The following FMN2 variants were observed in gnomAD, a reference collection of about 807,000 sequenced individuals.
FMN2 encodes formin 2, also known as formin-2.
Under a neutral mutation model 142.3 loss-of-function variants are expected in FMN2, and 51 were observed. The observed-to-expected ratio is 0.36, with a 90% confidence interval of 0.29 to 0.45. FMN2 has a LOEUF of 0.45. Ranked by LOEUF, FMN2 falls within the 20% of genes least tolerant of loss-of-function variation. The pLI is 1.00. For synonymous variants in FMN2, 882 were observed against 869.8 expected, an observed-to-expected ratio of 1.01 and a Z score of -0.25; for missense variants, 1,936 against 2,122.8, an observed-to-expected ratio of 0.91 and a Z score of 1.73.
chr1:240,244,031 G>A (rs1667999447), intron 6 of FMN2, among the ~76,000 whole-genome samples: 1 of 152,182 alleles, frequency 6.6e-6, no homozygotes, highest in African/African-American at 2.4e-5. Flanking sequence ...AGAAACAACA[G>A]TTTTCACATT....
intron 4 of FMN2, among the ~76,000 whole-genome samples, chr1:240,197,210 ACC>A (rs1193452330): frequency 6.6e-6 from 1 of 151,150 alleles, no homozygotes; most frequent in Non-Finnish European, 1.5e-5. Context: ...CTCCATTAAA[ACC>A]CCCAAAATTG....
intron 15 of FMN2, among the ~76,000 whole-genome samples, chr1:240,437,191 T>C (rs1300245317): frequency 1.3e-5 from 2 of 151,900 alleles, no homozygotes; most frequent in Non-Finnish European, 2.9e-5. Flanking sequence ...TTCTGAAAAC[T>C]GGCCCTGAGC....
Position 240,348,317 on chromosome 1 carries a change from G to T in FMN2, c.4766-7499G>T, listed in dbSNP as rs187272021. On this transcript the variant is annotated intron_variant, in intron 13 of 17. Transcript: ENST00000319653. ...GCTCACTGCAACCTCTGCCTCCCGG[G>T]TTCAAGTGATTCTCGTGACTCAGCC... 5.4e-3 allele frequency among the ~76,000 whole-genome samples: 816 copies of T among 151,702 alleles called. 2 individuals are homozygous for T. The highest frequency in any genetic ancestry group is 0.023 in the South Asian group (113 of 4,812).
At chr1:240,441,734 G>A (rs570249614) in intron 16 of FMN2, among the ~76,000 whole-genome samples, 1 of 150,820 alleles carries the variant, frequency 6.6e-6, no homozygotes, top group African/African-American at 2.4e-5. Flanking sequence ...CTCATATCTG[G>A]TATAGCTCTC....
chr1:240,346,374 ATCTC>A (rs372414081), intron 13 of FMN2, among the ~76,000 whole-genome samples: 4 of 151,720 alleles, frequency 2.6e-5, no homozygotes, highest in African/African-American at 9.7e-5. Flanking sequence ...CAAATGTGGT[ATCTC>A]TCTCTCTCTC....
intron 1 of FMN2, among the ~76,000 whole-genome samples, chr1:240,112,612 A>G (rs1026058737): frequency 6.6e-6 from 1 of 152,196 alleles, no homozygotes; most frequent in Non-Finnish European, 1.5e-5. Flanking sequence ...AGAAACTAGC[A>G]TTTATATACT....
chr1:240,427,313 C>T (rs1674985824), intron 15 of FMN2, among the ~76,000 whole-genome samples: 1 of 151,940 alleles, frequency 6.6e-6, no homozygotes, highest in African/African-American at 2.4e-5. Flanking sequence ...TCACGCCATT[C>T]TCCTGCCTCA....
Position 240,474,402 on chromosome 1 carries a change from C to G in FMN2, c.*248C>G, listed in dbSNP as rs889573625. On this transcript the variant is annotated 3_prime_UTR_variant, in exon 18 of 18. Transcript: ENST00000319653. Reference sequence around the variant, plus strand: ...TTTGTAAAAGTTTATGGTATTATACCGATAGACCAAAACAGCATGTGTAAG... The same window carrying G: ...TTTGTAAAAGTTTATGGTATTATACGGATAGACCAAAACAGCATGTGTAAG... 1.8e-5 allele frequency: 7 copies of G among 395,400 alleles called. No individual in the cohort carries two copies. The highest frequency in any genetic ancestry group is 3.1e-5 in the Non-Finnish European group (7 of 222,790). 24.5% of individuals were successfully genotyped at this position (395,400 alleles called of 1,614,324 possible).
In FMN2 at chr1:240,093,341, A is replaced by G. The variant is rs1156840210; in HGVS notation, c.1232A>G (p.Tyr411Cys). Residue 411 changes from tyrosine to cysteine, a missense_variant, in exon 1 of 18, where the codon TAC becomes TGC. Transcript: ENST00000319653. ...PAPSQRCFKPYPLITPCYIKT... is the reference protein window; with the variant it reads ...PAPSQRCFKPCPLITPCYIKT... ...CCTAGCCAGCGCTGTTTCAAGCCCT[A>G]CCCGCTCATCACCCCCTGCTACATC... 3 of 1,611,946 alleles carry G rather than the reference A, an allele frequency of 1.9e-6. No individual in the cohort carries two copies. Among genetic ancestry groups the G allele is most frequent in the East Asian group, 4.5e-5 (2 of 44,546 alleles).
chr1:240,332,026 GTC>G (rs1315024683), intron 11 of FMN2, among the ~76,000 whole-genome samples: 2 of 152,266 alleles, frequency 1.3e-5, no homozygotes, highest in African/African-American at 2.4e-5. Flanking sequence ...CGGAGACTGT[GTC>G]TCTGTGTACG....
At chr1:240,415,531 A>T (rs1674549421) in intron 15 of FMN2, among the ~76,000 whole-genome samples, 1 of 55,550 alleles carries the variant, frequency 1.8e-5, no homozygotes, top group Non-Finnish European at 3.8e-5. Flanking sequence ...TAAGTATAAT[A>T]AAAAAAAAAA....
intron 7 of FMN2, among the ~76,000 whole-genome samples, chr1:240,264,764 C>T (rs1003691725): frequency 2.0e-5 from 3 of 152,060 alleles, no homozygotes; most frequent in African/African-American, 7.2e-5. Context: ...GCCACGTTTT[C>T]TTTAACAGGT....
At chr1:240,278,357 A>G (rs759801935) in intron 7 of FMN2, among the ~76,000 whole-genome samples, 5 of 152,198 alleles carry the variant, frequency 3.3e-5, no homozygotes, top group Admixed American at 1.3e-4. Context: ...ACTCTTGAGT[A>G]GTAATTTCAG....
chr1:240,144,982 C>T (rs1313656792), intron 2 of FMN2: 1 of 1,281,764 alleles, frequency 7.8e-7, no homozygotes, highest in African/African-American at 1.4e-5. Flanking sequence ...CACTCATGGT[C>T]ATGGCCAAAA....
At chr1:240,465,466 T>C (rs140712581) in intron 16 of FMN2, among the ~76,000 whole-genome samples, 1 of 152,108 alleles carries the variant, frequency 6.6e-6, no homozygotes, top group African/African-American at 2.4e-5. Context: ...TGGTGTTATG[T>C]TTTAGTAAAG....
intron 15 of FMN2, among the ~76,000 whole-genome samples, chr1:240,395,754 A>C (rs976331880): frequency 7.9e-5 from 12 of 152,218 alleles, no homozygotes; most frequent in African/African-American, 2.9e-4. Context: ...ATGAGCAAAG[A>C]AAGTAGTTTC....
At chr1:240,302,644 G>A (rs915863193) in intron 8 of FMN2, among the ~76,000 whole-genome samples, 21 of 151,936 alleles carry the variant, frequency 1.4e-4, no homozygotes, top group Admixed American at 1.3e-3. Flanking sequence ...TCAATGGGAA[G>A]CAATTTGCAA....
rs139187991 is a variant in FMN2 at position 240,161,465 on chromosome 1, G to A, written c.1783-16456G>A. ...GGAGAATGGCGTGAACCTGGGAGGC[G>A]GAACGTGCAGTGAGGCGACATTGTG... On this transcript the variant is annotated intron_variant, in intron 2 of 17. Transcript: ENST00000319653. Among the ~76,000 whole-genome samples, 520 of 151,868 alleles carry A rather than the reference G, an allele frequency of 3.4e-3. 4 individuals carry two copies. Among genetic ancestry groups the A allele is most frequent in the African/African-American group, 0.012 (488 of 41,400 alleles).
intron 13 of FMN2, among the ~76,000 whole-genome samples, chr1:240,340,397 A>G (rs575664913): frequency 4.6e-5 from 7 of 152,164 alleles, no homozygotes; most frequent in South Asian, 4.1e-4. Context: ...CCTGACCAAC[A>G]TGGTGAAACC....
Sources: allele counts gnomAD v4.1 joint callset (sites outside exome capture counted in the v4.1 genomes callset), GRCh38; gene constraint gnomAD v4.1.1; transcripts MANE v1.5; gene names NCBI Gene and HGNC (gene_info 2026-07-23, HGNC 2026-07-21).